The following NME7 variants were observed in gnomAD, a reference collection of about 807,000 sequenced individuals.
NME7 encodes nucleoside diphosphate kinase 7.
In NME7, 41 loss-of-function variants were observed where a neutral mutation model predicts 49.1. The ratio of observed to expected loss-of-function variants is 0.83; its 90% CI spans 0.65 to 1.08. The LOEUF is 1.08. Among genes scored for constraint, NME7 ranks in the 50% least tolerant of loss-of-function variants. NME7 has a pLI of 0.00. For missense variants in NME7, 423 were observed against 463.4 expected (o/e 0.91, Z 0.80); for synonymous variants, 139 against 150.6 (o/e 0.92, Z 0.56).
intron 3 of NME7, among the ~76,000 whole-genome samples, chr1:169,318,026 A>G (rs1651716968): frequency 1.3e-5 from 2 of 152,310 alleles, no homozygotes; most frequent in Admixed American, 6.5e-5. Flanking sequence ...CATTGGAATC[A>G]GAGTCCGGCA....
intron 11 of NME7, among the ~76,000 whole-genome samples, chr1:169,154,666 C>T (rs963332261): frequency 5.9e-5 from 9 of 151,810 alleles, no homozygotes; most frequent in African/African-American, 1.9e-4. Context: ...GGCATGGTGG[C>T]GTGCACCTGC....
At chr1:169,177,303 AC>A (rs1659781080) in intron 10 of NME7, among the ~76,000 whole-genome samples, 2 of 152,068 alleles carry the variant, frequency 1.3e-5, no homozygotes, top group Admixed American at 6.6e-5. Context: ...CCACTCTAGC[AC>A]CATATTCTCC....
At chr1:169,305,576 C>T (rs1449213407) in intron 4 of NME7, among the ~76,000 whole-genome samples, 2 of 152,096 alleles carry the variant, frequency 1.3e-5, no homozygotes, top group South Asian at 2.1e-4. Flanking sequence ...TCATCGGTGT[C>T]GTTTCTCAGG....
At position 169,159,295 on chromosome 1, in the gene NME7, C is replaced by T. The variant is rs1028303532; in HGVS notation, c.1098+10152G>A. ...AAAAAGCACATACTAAAGATGATGA[C>T]GGTACCAAGGAGGAGGAGACTGGGT... is the stretch of plus-strand genomic sequence containing the variant. On this transcript the variant is annotated intron_variant, in intron 11 of 11. Coordinates refer to ENST00000367811, the MANE Select transcript of NME7 (RefSeq NM_013330.5). 5.9e-5 allele frequency among the ~76,000 whole-genome samples: 9 copies of T among 152,240 alleles called. No homozygotes were observed. In the East Asian group the frequency reaches 7.7e-4, roughly 13 times the overall value.
At chr1:169,340,199 G>A (rs183820383) in intron 1 of NME7, among the ~76,000 whole-genome samples, 37 of 152,314 alleles carry the variant, frequency 2.4e-4, no homozygotes, top group African/African-American at 8.7e-4. Flanking sequence ...CTGGTGGAAG[G>A]TGATTGGATT....
chr1:169,232,553 TG>T (rs2101821590), intron 9 of NME7, among the ~76,000 whole-genome samples: 1 of 113,436 alleles, frequency 8.8e-6, no homozygotes, highest in South Asian at 2.5e-4. Flanking sequence ...GCAGCCAGGG[TG>T]TTGGGGGGGG....
chr1:169,303,455 CT>C (rs969800387), intron 4 of NME7: 3,592 of 113,480 alleles, frequency 0.032, 31 homozygotes, highest in African/African-American at 0.056. Flanking sequence ...CTATCTTCTT[CT>C]TTTTTTTTTT....
Position 169,367,726 on chromosome 1 carries a change from G to A in NME7, c.-16C>T, listed in dbSNP as rs761246597. On this transcript the variant is annotated 5_prime_UTR_variant, in exon 1 of 12. Coordinates refer to ENST00000367811, the MANE Select transcript of NME7 (RefSeq NM_013330.5). The stretch of plus-strand genomic sequence containing the variant: ...CACTCACCATTGTCTCAGGATCTCA[G>A]CACTAGAAAATAGGTATCGTTGAGA... 1.9e-6 allele frequency: 3 copies of A among 1,614,100 alleles called. No individual in the cohort carries two copies. Among genetic ancestry groups the A allele is most frequent in the East Asian group, 4.5e-5 (2 of 44,882 alleles).
intron 7 of NME7, 40 bp from the exon 8 acceptor site, chr1:169,237,727 T>C: frequency 6.5e-7 from 1 of 1,533,994 alleles, no homozygotes; most frequent in Non-Finnish European, 9.0e-7. Flanking sequence ...TACAAAATTT[T>C]AAGACATTTT....
chr1:169,189,756 T>C (rs1219214101), intron 10 of NME7, among the ~76,000 whole-genome samples: 1 of 152,192 alleles, frequency 6.6e-6, no homozygotes, highest in Non-Finnish European at 1.5e-5. Flanking sequence ...TCAATTAAAA[T>C]TCATGTGAGT....
intron 10 of NME7, among the ~76,000 whole-genome samples, chr1:169,191,469 T>C (rs1385772645): frequency 6.6e-6 from 1 of 152,228 alleles, no homozygotes; most frequent in Non-Finnish European, 1.5e-5. Context: ...AAGAGTTTAC[T>C]GGGAAAACCA....
In NME7 at chr1:169,275,704, C is replaced by A. The variant is rs1278034263; in HGVS notation, c.754+11599G>T. Among the ~76,000 whole-genome samples, 36 of 131,362 alleles carry A rather than the reference C, an allele frequency of 2.7e-4. 7 individuals carry two copies. The highest frequency in any genetic ancestry group is 1.9e-3 in the Admixed American group (25 of 13,268). 86.2% of individuals were successfully genotyped at this position (131,362 alleles called of 152,430 possible). A position where few individuals can be genotyped will look rare whatever the true frequency, so the allele number is the denominator to read the frequency against. On this transcript the variant is annotated intron_variant, in intron 7 of 11. Transcript: ENST00000367811. ...CCTTCTCCTGCCTAATTGCCCTGGC[C>A]AGAACTTCCAACACTATGTTGAATA...
chr1:169,271,662 T>C (rs1299958011), intron 7 of NME7, among the ~76,000 whole-genome samples: 1 of 133,788 alleles, frequency 7.5e-6, no homozygotes, highest in Admixed American at 7.4e-5. Context: ...CAACAGGATA[T>C]TCTGGCCTTT....
intron 10 of NME7, among the ~76,000 whole-genome samples, chr1:169,195,242 A>G (rs1660343962): frequency 1.3e-5 from 2 of 152,128 alleles, no homozygotes; most frequent in African/African-American, 4.8e-5. Flanking sequence ...ATTTTATTTT[A>G]GAGACAACAA....
At chr1:169,221,993 C>G (rs2420012) in intron 10 of NME7, among the ~76,000 whole-genome samples, 57,314 of 151,776 alleles carry the variant, frequency 0.38, 11,529 homozygotes, top group East Asian at 0.79. Context: ...TGAACTCCTG[C>G]CCTCAAACAA....
At chr1:169,279,557 T>C (rs2101886182) in intron 7 of NME7, among the ~76,000 whole-genome samples, 1 of 152,330 alleles carries the variant, frequency 6.6e-6, no homozygotes. Context: ...AGTATTTGGG[T>C]GGGAGTGACC....
chr1:169,216,911 A>AT (rs1239591106), intron 10 of NME7, among the ~76,000 whole-genome samples: 3 of 152,058 alleles, frequency 2.0e-5, no homozygotes, highest in Non-Finnish European at 4.4e-5. Flanking sequence ...AGAATAACAG[A>AT]TTTTTTTTGT....
intron 1 of NME7, among the ~76,000 whole-genome samples, chr1:169,338,735 C>T (rs1463568708): frequency 6.6e-6 from 1 of 152,096 alleles, no homozygotes; most frequent in Non-Finnish European, 1.5e-5. Flanking sequence ...CCAACCCCAG[C>T]CAATGTATAT....
chr1:169,165,725 T>C (rs1181639857), intron 11 of NME7, among the ~76,000 whole-genome samples: 2 of 152,236 alleles, frequency 1.3e-5, no homozygotes, highest in African/African-American at 4.8e-5. Context: ...CATTTGGCCT[T>C]TATGTATTTT....
Sources: allele counts gnomAD v4.1 joint callset (sites outside exome capture counted in the v4.1 genomes callset), GRCh38; gene constraint gnomAD v4.1.1; transcripts MANE v1.5; gene names NCBI Gene and HGNC (gene_info 2026-07-23, HGNC 2026-07-21).